Variants in ZNF423 observed in about 807,000 individuals in gnomAD.
The protein encoded by ZNF423 is zinc finger protein 423.
ZNF423 carries 12 observed loss-of-function variants against 95.8 expected under a neutral mutation model. That is an observed-to-expected ratio of 0.13 (90% CI 0.08 to 0.20). ZNF423 has a LOEUF of 0.20. Ranked by LOEUF, ZNF423 falls within the 10% of genes least tolerant of loss-of-function variation. The pLI, the probability that ZNF423 is intolerant of heterozygous loss-of-function variation, is 1.00. For missense variants in ZNF423, 1,316 were observed against 1,737.1 expected (o/e 0.76, Z 4.31); for synonymous variants, 749 against 711.9 (o/e 1.05, Z -0.83).
intron 5 of ZNF423, among the ~76,000 whole-genome samples, chr16:49,585,553 A>G (rs1395397671): frequency 1.3e-5 from 2 of 152,260 alleles, no homozygotes; most frequent in African/African-American, 2.4e-5. Context: ...TACAGAGAGC[A>G]GGCTTTGCAA....
At chr16:49,542,212 T>C (rs554476475) in intron 5 of ZNF423, among the ~76,000 whole-genome samples, 2 of 152,298 alleles carry the variant, frequency 1.3e-5, no homozygotes, top group East Asian at 3.9e-4. Context: ...AGATCTGCTT[T>C]CTGGTCCCTG....
intron 1 of ZNF423, among the ~76,000 whole-genome samples, chr16:49,802,994 C>A (rs964046357): frequency 1.3e-5 from 2 of 152,192 alleles, no homozygotes; most frequent in African/African-American, 4.8e-5. Context: ...ATGGCTCACA[C>A]TTGCAATTCC....
chr16:49,743,033 G>A (rs1596956672), intron 2 of ZNF423, among the ~76,000 whole-genome samples: 1 of 152,228 alleles, frequency 6.6e-6, no homozygotes, highest in African/African-American at 2.4e-5. Context: ...ATGGACCACA[G>A]AGAAGCAATT....
At chr16:49,726,884 T>A (rs1300979283) in intron 3 of ZNF423, among the ~76,000 whole-genome samples, 446 of 77,204 alleles carry the variant, frequency 5.8e-3, no homozygotes, top group East Asian at 9.7e-3. Flanking sequence ...AAAAAAAAAA[T>A]GGCGAAGACC....
In ZNF423 at chr16:49,855,261, G is replaced by A. The variant is rs2035349170; in HGVS notation, c.40+474C>T. ...GGCCAGAGAGAGCCAGCGAGGCCCG[G>A]GGCCAGCGAGGAGCGGTCGGCCTGC... On this transcript the variant is annotated intron_variant, in intron 1 of 7. Coordinates refer to ENST00000563137, the MANE Select transcript of ZNF423 (RefSeq NM_001379286.1). The surrounding 1 kb of genome is among the most constrained non-coding windows in gnomAD (Gnocchi z 4.7). Among the ~76,000 whole-genome samples the A allele has an allele frequency of 6.6e-6, 1 of 151,252 alleles. No homozygotes were observed. The highest frequency in any genetic ancestry group is 6.6e-5 in the Admixed American group (1 of 15,206).
chr16:49,725,280 G>A (rs942744747), intron 3 of ZNF423, among the ~76,000 whole-genome samples: 2 of 152,124 alleles, frequency 1.3e-5, no homozygotes, highest in Non-Finnish European at 2.9e-5. Flanking sequence ...AGCTCAGGAG[G>A]CTGAGGCGGG....
chr16:49,637,602 A>C lies in ZNF423; in HGVS notation c.1574T>G (p.Phe525Cys). 6.2e-7 allele frequency: 1 copy of C among 1,614,034 alleles called. No homozygotes were observed. Among genetic ancestry groups the C allele is most frequent in the Non-Finnish European group, 8.5e-7 (1 of 1,180,032 alleles). Residue 525 changes from phenylalanine to cysteine, a missense_variant, in exon 4 of 8, where the codon TTC (phenylalanine) becomes TGC (cysteine). Transcript: ENST00000563137. The surrounding 1 kb of genome is among the most constrained non-coding windows in gnomAD (Gnocchi z 5.6). Reference protein sequence around the residue: ...NANPSDGNNAFFCNQCSMGFL... With the variant: ...NANPSDGNNACFCNQCSMGFL... ...ACCCATGGAGCACTGGTTGCAGAAG[A>C]AAGCATTATTACCGTCAGAGGGGTT...
At chr16:49,653,280 C>T (rs903945264) in intron 3 of ZNF423, among the ~76,000 whole-genome samples, 8 of 143,140 alleles carry the variant, frequency 5.6e-5, no homozygotes, top group African/African-American at 1.3e-4. Context: ...CCTGAACAGG[C>T]GCCTCATCTC....
chr16:49,562,831 T>G (rs1970062178), intron 5 of ZNF423, among the ~76,000 whole-genome samples: 1 of 151,876 alleles, frequency 6.6e-6, no homozygotes, highest in Non-Finnish European at 1.5e-5. Context: ...CAGGCTGGAG[T>G]GCAGTGGCAC....
chr16:49,595,080 C>A (rs1971139561), intron 5 of ZNF423, among the ~76,000 whole-genome samples: 1 of 152,168 alleles, frequency 6.6e-6, no homozygotes, highest in Non-Finnish European at 1.5e-5. Flanking sequence ...ACCCGGGTGA[C>A]CCCAACAGCA....
chr16:49,672,649 C>T (rs2030865691), intron 3 of ZNF423, among the ~76,000 whole-genome samples: 1 of 152,088 alleles, frequency 6.6e-6, no homozygotes, highest in Admixed American at 6.5e-5. Flanking sequence ...AAACCTGTCT[C>T]TACTAAAAAT....
At chr16:49,670,692 G>A (rs1342649305) in intron 3 of ZNF423, among the ~76,000 whole-genome samples, 1 of 152,208 alleles carries the variant, frequency 6.6e-6, no homozygotes, top group African/African-American at 2.4e-5. Flanking sequence ...TGCCCCATAA[G>A]CTGTGAAACC....
intron 5 of ZNF423, among the ~76,000 whole-genome samples, chr16:49,612,710 C>T (rs1971766369): frequency 6.6e-6 from 1 of 152,002 alleles, no homozygotes; most frequent in Non-Finnish European, 1.5e-5. Context: ...AAATAAAAGG[C>T]ATACAGATAG....
intron 3 of ZNF423, among the ~76,000 whole-genome samples, chr16:49,704,078 C>CT (rs1292323682): frequency 6.6e-6 from 1 of 152,116 alleles, no homozygotes; most frequent in Non-Finnish European, 1.5e-5. Context: ...CAAAGAGGGC[C>CT]TGGAGGCAGA....
At chr16:49,788,028 G>T (rs1245935830) in intron 2 of ZNF423, among the ~76,000 whole-genome samples, 1 of 152,222 alleles carries the variant, frequency 6.6e-6, no homozygotes. Context: ...CACACGGGGG[G>T]CTACACAGCC....
intron 2 of ZNF423, among the ~76,000 whole-genome samples, chr16:49,741,506 C>A (rs1596954563): frequency 1.4e-5 from 2 of 147,982 alleles, no homozygotes. Context: ...GACTCTGTCT[C>A]AAAAAAAAAA....
chr16:49,604,711 C>A (rs79664010), intron 5 of ZNF423, among the ~76,000 whole-genome samples: 2 of 152,202 alleles, frequency 1.3e-5, no homozygotes, highest in East Asian at 3.9e-4. Context: ...GGTCATGCAA[C>A]CTGAGATCCT....
At chr16:49,694,076 AGTCT>A (rs1301669024) in intron 3 of ZNF423, among the ~76,000 whole-genome samples, 1 of 152,202 alleles carries the variant, frequency 6.6e-6, no homozygotes, top group African/African-American at 2.4e-5. Context: ...ATTCCTCCTC[AGTCT>A]GTCTAACGAG....
chr16:49,504,442 C>G (rs1028763703), intron 7 of ZNF423, among the ~76,000 whole-genome samples: 2 of 152,124 alleles, frequency 1.3e-5, no homozygotes, highest in Admixed American at 1.3e-4. Context: ...ATTAGCTGGG[C>G]ATGGCAGCGT....
Sources: allele counts gnomAD v4.1 joint callset (sites outside exome capture counted in the v4.1 genomes callset), GRCh38; gene constraint gnomAD v4.1.1; non-coding constraint Gnocchi (gnomAD v3.1); transcripts MANE v1.5; gene names NCBI Gene and HGNC (gene_info 2026-07-23, HGNC 2026-07-21).